Variants in NRG3 observed in about 807,000 individuals in gnomAD.
NRG3 encodes the protein neuregulin 3.
A neutral mutation model predicts 66.9 loss-of-function variants in NRG3; 31 were observed. That is an observed-to-expected ratio of 0.46 (90% CI 0.35 to 0.63). NRG3 has a LOEUF of 0.63. Among genes scored for constraint, NRG3 ranks in the 20% least tolerant of loss-of-function variants. The probability of loss-of-function intolerance (pLI) is 0.00; values close to 1 mark genes in which losing one functional copy is unlikely to be tolerated. For missense variants in NRG3, 910 were observed against 878.9 expected, an observed-to-expected ratio of 1.04 and a Z score of -0.45; for synonymous variants, 393 against 359.4, an observed-to-expected ratio of 1.09 and a Z score of -1.06.
chr10:82,756,116 A>G (rs1023625197), intron 3 of NRG3, among the ~76,000 whole-genome samples: 1 of 151,888 alleles, frequency 6.6e-6, no homozygotes, highest in African/African-American at 2.4e-5. Flanking sequence ...GGTGGATCAG[A>G]TCTCAGGCCA....
At position 82,973,796 on chromosome 10, in the gene NRG3, G is replaced by T; in HGVS notation, c.1293G>T (p.Lys431Asn). The T allele has an allele frequency of 6.2e-7, 1 of 1,614,032 alleles. No homozygotes were observed. The highest frequency in any genetic ancestry group is 8.5e-7 in the Non-Finnish European group (1 of 1,179,922). ...KSHVQLQNYS[K>N]VERHPVTALE... ...CGTGTGATTTCCCACAGTATTCAAA[G>T]GTGGAAAGGCATCCTGTGACTGCAT... The change falls in exon 7 of 9, where the codon AAG becomes AAT. Residue 431 changes from lysine to asparagine, a missense_variant. Physicochemically the swap from Lys to Asn is moderately conservative, Grantham distance 94. Coordinates refer to ENST00000372141, the MANE Select transcript of NRG3 (RefSeq NM_001010848.4).
intron 1 of NRG3, among the ~76,000 whole-genome samples, chr10:82,124,919 T>G (rs536568676): frequency 6.6e-6 from 1 of 151,904 alleles, no homozygotes; most frequent in African/African-American, 2.4e-5. Context: ...CCAATCATCA[T>G]CCCCATTTGA....
intron 1 of NRG3, among the ~76,000 whole-genome samples, chr10:82,146,440 T>A (rs1247841767): frequency 6.6e-6 from 1 of 151,872 alleles, no homozygotes; most frequent in Non-Finnish European, 1.5e-5. Context: ...ACACAGGAGA[T>A]TCTCAGGGCT....
intron 4 of NRG3, among the ~76,000 whole-genome samples, chr10:82,869,202 C>A (rs1395047759): frequency 6.6e-6 from 1 of 152,094 alleles, no homozygotes; most frequent in Non-Finnish European, 1.5e-5. Flanking sequence ...GTGTCAATTT[C>A]TTTAATAGAC....
chr10:81,944,480 T>C lies in NRG3; in HGVS notation c.823+68317T>C, dbSNP rs184680740. ...AAAAAGAGTGGTGAATAAAAGTGTT[T>C]TAAAAACTGAAAAATTTTAGTATAC... On this transcript the variant is annotated intron_variant, in intron 1 of 8. Transcript: ENST00000372141. Among the ~76,000 whole-genome samples, 143 of 152,346 alleles carry C rather than the reference T, an allele frequency of 9.4e-4. 2 individuals carry two copies. Among genetic ancestry groups the C allele is most frequent in the Non-Finnish European group, 1.5e-3 (104 of 68,030 alleles).
At chr10:82,727,551 A>G (rs1170537216) in intron 2 of NRG3, among the ~76,000 whole-genome samples, 1 of 152,234 alleles carries the variant, frequency 6.6e-6, no homozygotes, top group Non-Finnish European at 1.5e-5. Flanking sequence ...ACCTCTGCCT[A>G]GATTTCAGAG....
chr10:82,032,504 A>T (rs1311840284), intron 1 of NRG3, among the ~76,000 whole-genome samples: 1 of 151,932 alleles, frequency 6.6e-6, no homozygotes, highest in Non-Finnish European at 1.5e-5. Flanking sequence ...ATTCTTCCTA[A>T]GAGTAGAAAA....
chr10:82,608,170 T>G (rs2048087263), intron 2 of NRG3, among the ~76,000 whole-genome samples: 1 of 152,200 alleles, frequency 6.6e-6, no homozygotes, highest in South Asian at 2.1e-4. Context: ...AAGACTTCCA[T>G]TCTGAATAAC....
chr10:82,056,642 A>G (rs1402600438), intron 1 of NRG3, among the ~76,000 whole-genome samples: 1 of 152,200 alleles, frequency 6.6e-6, no homozygotes, highest in South Asian at 2.1e-4. Context: ...GGATTTTTCA[A>G]GTATCTCATT....
At chr10:82,671,374 G>A (rs563779169) in intron 2 of NRG3, among the ~76,000 whole-genome samples, 1 of 152,294 alleles carries the variant, frequency 6.6e-6, no homozygotes, top group Non-Finnish European at 1.5e-5. Flanking sequence ...AGCTAAATAT[G>A]GATTAAGGTC....
intron 2 of NRG3, among the ~76,000 whole-genome samples, chr10:82,642,879 A>G (rs1007519447): frequency 3.3e-5 from 5 of 151,930 alleles, no homozygotes; most frequent in Non-Finnish European, 5.9e-5. Context: ...TTATGTGTCT[A>G]TGTGTATTAT....
chr10:82,073,377 A>C (rs543221625), intron 1 of NRG3, among the ~76,000 whole-genome samples: 4 of 152,314 alleles, frequency 2.6e-5, no homozygotes, highest in African/African-American at 9.6e-5. Flanking sequence ...TCAGGGCATT[A>C]ATCAGGGTAT....
intron 1 of NRG3, among the ~76,000 whole-genome samples, chr10:82,053,839 G>A (rs12767156): frequency 0.24 from 36,624 of 152,134 alleles, 4,533 homozygotes; most frequent in Middle Eastern, 0.33. Flanking sequence ...GAGCTCAGTG[G>A]AAAAGAGGTA....
At chr10:82,037,796 G>C (rs1238053179) in intron 1 of NRG3, among the ~76,000 whole-genome samples, 1 of 151,996 alleles carries the variant, frequency 6.6e-6, no homozygotes, top group East Asian at 1.9e-4. Context: ...GTTGTTTTGA[G>C]AACTAAGGGG....
chr10:82,000,271 G>A (rs962194611), intron 1 of NRG3, among the ~76,000 whole-genome samples: 3 of 152,094 alleles, frequency 2.0e-5, no homozygotes, highest in African/African-American at 4.8e-5. Context: ...GAAATCTTAT[G>A]AAGTAGCCGT....
chr10:81,995,430 A>C (rs969692834), intron 1 of NRG3, among the ~76,000 whole-genome samples: 1 of 152,108 alleles, frequency 6.6e-6, no homozygotes, highest in Admixed American at 6.6e-5. Flanking sequence ...ATGCATGTTT[A>C]CTATGGAATG....
intron 1 of NRG3, among the ~76,000 whole-genome samples, chr10:82,137,184 G>A (rs1377525720): frequency 6.6e-6 from 1 of 152,166 alleles, no homozygotes; most frequent in Non-Finnish European, 1.5e-5. Flanking sequence ...ATACTCGTGA[G>A]CTTGTTACAC....
intron 3 of NRG3, among the ~76,000 whole-genome samples, chr10:82,750,897 G>A (rs897668978): frequency 2.6e-5 from 4 of 152,058 alleles, no homozygotes; most frequent in African/African-American, 9.7e-5. Flanking sequence ...TAAGTGTCAT[G>A]ACAAGAGGTA....
chr10:82,136,778 G>A (rs530738189), intron 1 of NRG3, among the ~76,000 whole-genome samples: 2 of 152,112 alleles, frequency 1.3e-5, no homozygotes, highest in African/African-American at 4.8e-5. Flanking sequence ...TCTGGCTAGG[G>A]CTGGTATAAA....
Sources: gnomAD v4.1 joint callset for allele counts (sites outside exome capture counted in the v4.1 genomes callset) on GRCh38, gnomAD v4.1.1 for gene constraint, MANE v1.5 for transcripts, NCBI Gene and HGNC (gene_info 2026-07-23, HGNC 2026-07-21) for gene names.